The following ITGA4 variants were observed in gnomAD, a reference collection of about 807,000 sequenced individuals.
ITGA4 encodes integrin alpha-4.
Under a neutral mutation model 133.6 loss-of-function variants are expected in ITGA4, and 63 were observed. The observed-to-expected ratio is 0.47, with a 90% CI of 0.38 to 0.58. ITGA4 has a LOEUF of 0.58. ITGA4 is among the 20% of genes least tolerant of loss of function. The probability of loss-of-function intolerance (pLI) is 0.00; values close to 1 mark genes in which losing one functional copy is unlikely to be tolerated. For synonymous variants in ITGA4, 483 were observed against 438.0 expected (o/e 1.10, Z -1.28); for missense variants, 1,076 against 1,252.7 (o/e 0.86, Z 2.13).
intron 22 of ITGA4, 152 bp downstream of exon 22, chr2:181,527,539 C>T (rs903922967): frequency 1.8e-6 from 1 of 564,742 alleles, no homozygotes; most frequent in Admixed American, 2.8e-5. Flanking sequence ...ACTCCTGCCT[C>T]TCAGACCCCT....
At chr2:181,531,139 C>G (rs1441282736) in intron 24 of ITGA4, among the ~76,000 whole-genome samples, 1 of 151,828 alleles carries the variant, frequency 6.6e-6, no homozygotes, top group East Asian at 1.9e-4. Flanking sequence ...AAATGTTATA[C>G]AGTTTCATTT....
Position 181,467,051 on chromosome 2 carries a change from A to T in ITGA4, c.320-7909A>T, listed in dbSNP as rs373054731. 9.7e-4 allele frequency among the ~76,000 whole-genome samples: 148 copies of T among 152,264 alleles called. 1 individual carries two copies. The highest frequency in any genetic ancestry group is 9.5e-3 in the South Asian group (46 of 4,824). ...TTCCTAATCTGAAGTTATGTGAGTGAAGGGATTATATACTTTAATTATTGC... is the reference window on the plus strand; with the variant it reads ...TTCCTAATCTGAAGTTATGTGAGTGTAGGGATTATATACTTTAATTATTGC... On this transcript the variant is annotated intron_variant, in intron 2 of 27. Coordinates refer to ENST00000397033, the MANE Select transcript of ITGA4 (RefSeq NM_000885.6).
chr2:181,534,292 G>A lies in ITGA4; in HGVS notation c.2805G>A (p.Lys935=), dbSNP rs201425223. 194 of 1,607,842 alleles carry A rather than the reference G, an allele frequency of 1.2e-4. No individual in the cohort carries two copies. Among genetic ancestry groups the A allele is most frequent in the Non-Finnish European group, 1.6e-4 (184 of 1,174,704 alleles). Residue 935 remains lysine (K), a synonymous_variant, in exon 26 of 28, where the codon AAG becomes AAA. Coordinates refer to ENST00000397033, the MANE Select transcript of ITGA4 (RefSeq NM_000885.6). ...AACAGGATGAGACTTCAGCACTCAA[G>A]TTTGAAATAAGAGCAACAGGTTTTC... is the stretch of plus-strand genomic sequence containing the variant. ...ILEMDETSAL[K]FEIRATGFPE...
rs559425006 is a variant in ITGA4 at position 181,468,584 on chromosome 2, A to G, written c.320-6376A>G. On this transcript the variant is annotated intron_variant, in intron 2 of 27. Coordinates refer to ENST00000397033, the MANE Select transcript of ITGA4 (RefSeq NM_000885.6). Reference sequence around the variant, plus strand: ...CATAGTCCCTGTCACACTTGGAGCAATGACACTAAAACTGGTGATATGAAT... The same window carrying G: ...CATAGTCCCTGTCACACTTGGAGCAGTGACACTAAAACTGGTGATATGAAT... 3.3e-5 allele frequency among the ~76,000 whole-genome samples: 5 copies of G among 152,284 alleles called. No individual in the cohort carries two copies. In the East Asian group the frequency reaches 9.7e-4, roughly 29 times the overall value.
chr2:181,482,724 G>C, intron 9 of ITGA4, 73 bp downstream of exon 9: 1 of 1,388,270 alleles, frequency 7.2e-7, no homozygotes, highest in South Asian at 1.2e-5. Flanking sequence ...TTATTCCAGA[G>C]ATCTGAGATT....
At chr2:181,500,875 AT>A (rs1399084951) in intron 15 of ITGA4, among the ~76,000 whole-genome samples, 18 of 152,190 alleles carry the variant, frequency 1.2e-4, no homozygotes, top group South Asian at 4.1e-4. Flanking sequence ...TGAGAAAAAA[AT>A]AATATGATAA....
Position 181,538,263 on chromosome 2 carries a change from ATTTCATC to A in ITGA4, c.*2737_*2743del. On this transcript the variant is annotated 3_prime_UTR_variant, in exon 28 of 28. Transcript: ENST00000397033. Reference sequence around the variant, plus strand: ...ATGCAATCTGTAAAGAAAATACATTATTTCATCAACTTATTTTGTTGTTTTTCACATA... The same window carrying A: ...ATGCAATCTGTAAAGAAAATACATTAAACTTATTTTGTTGTTTTTCACATA... The A allele has an allele frequency of 6.1e-6, 9 of 1,475,974 alleles. No homozygotes were observed. Among genetic ancestry groups the A allele is most frequent in the Non-Finnish European group, 8.5e-6 (9 of 1,056,190 alleles). 91.4% of individuals were successfully genotyped at this position (1,475,974 alleles called of 1,614,324 possible).
In ITGA4 at chr2:181,494,684, T is replaced by A. The variant is rs773097821; in HGVS notation, c.1249-38T>A. 7 of 1,086,852 alleles carry A rather than the reference T, an allele frequency of 6.4e-6. No homozygotes were observed. The South Asian group carries it at 7.5e-5, about 12-fold the overall frequency. The allele number at this position is 1,086,852 out of a possible 1,614,324, so 67.3% of individuals were successfully genotyped here. ...CATTGCTTCTCTGGTATATTAGTAT[T>A]CAAAAACTACTTCCCACTCAACTTT... On this transcript the variant is annotated intron_variant, in intron 11 of 27. Coordinates refer to ENST00000397033, the MANE Select transcript of ITGA4 (RefSeq NM_000885.6).
chr2:181,516,099 C>T lies in ITGA4; in HGVS notation c.1922+4324C>T, dbSNP rs1686600945. 6.6e-6 allele frequency among the ~76,000 whole-genome samples: 1 copy of T among 152,004 alleles called. No homozygotes were observed. Among genetic ancestry groups the T allele is most frequent in the Admixed American group, 6.6e-5 (1 of 15,224 alleles). ...ACTTGCAGTGCAAAATAAAGATGAA[C>T]CAACACGACTTCAAGATTACAAATA... On this transcript the variant is annotated intron_variant, in intron 17 of 27. Coordinates refer to ENST00000397033, the MANE Select transcript of ITGA4 (RefSeq NM_000885.6). This position sits in a 1 kb window ranked among gnomAD's most constrained non-coding sequence, Gnocchi z 4.0.
At chr2:181,485,497 T>G (rs1685895056) in intron 9 of ITGA4, among the ~76,000 whole-genome samples, 1 of 152,204 alleles carries the variant, frequency 6.6e-6, no homozygotes, top group African/African-American at 2.4e-5. Flanking sequence ...TGTGGGCTTA[T>G]TGAAGAAAGG....
In ITGA4 at chr2:181,536,645, G is replaced by A. The variant is rs1574419533; in HGVS notation, c.*1118G>A. On this transcript the variant is annotated 3_prime_UTR_variant, in exon 28 of 28. Coordinates refer to ENST00000397033, the MANE Select transcript of ITGA4 (RefSeq NM_000885.6). The stretch of plus-strand genomic sequence containing the variant: ...AAGATACTGATTCAATTTGTATACA[G>A]TGAATATAAATGAGACGACAGCAAA... 1 of 173,710 alleles carries A rather than the reference G, an allele frequency of 5.8e-6. No homozygotes were observed. Among genetic ancestry groups the A allele is most frequent in the Non-Finnish European group, 1.2e-5 (1 of 80,818 alleles). 10.8% of individuals were successfully genotyped at this position (173,710 alleles called of 1,614,324 possible).
chr2:181,538,236 G>C lies in ITGA4; in HGVS notation c.*2709G>C. 6.4e-7 allele frequency: 1 copy of C among 1,573,384 alleles called. No homozygotes were observed. Among genetic ancestry groups the C allele is most frequent in the Admixed American group, 1.7e-5 (1 of 59,762 alleles). On this transcript the variant is annotated 3_prime_UTR_variant, in exon 28 of 28. Coordinates refer to ENST00000397033, the MANE Select transcript of ITGA4 (RefSeq NM_000885.6). The stretch of plus-strand genomic sequence containing the variant: ...TCCTCCATAAAGACTGATAAGTCTT[G>C]GATGCAATCTGTAAAGAAAATACAT...
intron 17 of ITGA4, among the ~76,000 whole-genome samples, chr2:181,514,175 T>C (rs1686560577): frequency 6.6e-6 from 1 of 152,106 alleles, no homozygotes; most frequent in Admixed American, 6.5e-5. Flanking sequence ...AGAGAACTCA[T>C]GGATGGCTAG....
intron 2 of ITGA4, among the ~76,000 whole-genome samples, chr2:181,463,971 C>T (rs531463885): frequency 6.6e-6 from 1 of 152,148 alleles, no homozygotes; most frequent in African/African-American, 2.4e-5. Flanking sequence ...GTTCTGGTGG[C>T]CCATCTCAAA....
Position 181,535,508 on chromosome 2 carries a change from G to A in ITGA4, c.3080G>A (p.Ser1027Asn), listed in dbSNP as rs1178800678. 1.2e-6 allele frequency: 2 copies of A among 1,609,188 alleles called. No individual in the cohort carries two copies. The highest frequency in any genetic ancestry group is 8.5e-7 in the Non-Finnish European group (1 of 1,177,370). ...AGAGACAGTTGGAGTTATATCAACA[G>A]TAAAAGCAATGATGATTAAGGACTT... is the stretch of plus-strand genomic sequence containing the variant. ...NRRDSWSYINSKSNDD is the reference protein window; with the variant it reads ...NRRDSWSYINNKSNDD Residue 1027 changes from serine (S) to asparagine (N), a missense_variant, in exon 28 of 28, where the codon AGT becomes AAT. By Grantham distance (46) the Ser-to-Asn change is conservative (BLOSUM62 1). Around this residue, in one of 4 missense-constraint regions of ITGA4, gnomAD observed 193 missense variants for 172.3 expected, o/e 1.12. Transcript: ENST00000397033.
chr2:181,526,860 C>A (rs1686842648), intron 21 of ITGA4, among the ~76,000 whole-genome samples: 1 of 24,584 alleles, frequency 4.1e-5, no homozygotes, highest in Non-Finnish European at 1.3e-4. Context: ...TTTTAAGAGT[C>A]TCGCTCTATT....
At chr2:181,526,438 A>C (rs906191547) in intron 21 of ITGA4, among the ~76,000 whole-genome samples, 9 of 152,188 alleles carry the variant, frequency 5.9e-5, no homozygotes, top group Admixed American at 2.6e-4. Context: ...CCCTAGAAAC[A>C]TATTTCTTAG....
rs188654957 is a variant in ITGA4 at position 181,485,875 on chromosome 2, A to G, written c.1042-6A>G. ...AATGACACGTTTTCTCTCCCTTTCT[A>G]TCTAGGGAGCAGTAATGAATGCAAT... On this transcript the variant is annotated splice_region_variant and splice_polypyrimidine_tract_variant and intron_variant, in intron 9 of 27. Coordinates refer to ENST00000397033, the MANE Select transcript of ITGA4 (RefSeq NM_000885.6). 1,266 of 1,596,270 alleles carry G rather than the reference A, an allele frequency of 7.9e-4. 9 individuals carry two copies. In the African/African-American group the frequency reaches 0.013, roughly 17 times the overall value.
intron 16 of ITGA4, among the ~76,000 whole-genome samples, chr2:181,510,632 T>C (rs1686487787): frequency 6.6e-6 from 1 of 152,094 alleles, no homozygotes; most frequent in Non-Finnish European, 1.5e-5. Context: ...TTTAAGATAA[T>C]TGAGCTTACA....
Sources: gnomAD v4.1 joint callset for allele counts (sites outside exome capture counted in the v4.1 genomes callset) on GRCh38, gnomAD v4.1.1 for gene constraint, gnomAD v4.1.1 regional missense constraint, Gnocchi (gnomAD v3.1) non-coding constraint, MANE v1.5 for transcripts, NCBI Gene and HGNC (gene_info 2026-07-23, HGNC 2026-07-21) for gene names.